The following RBPJ variants were observed in gnomAD, a reference collection of about 807,000 sequenced individuals.
RBPJ encodes recombining binding protein suppressor of hairless.
A neutral mutation model predicts 67.8 loss-of-function variants in RBPJ; 9 were observed. That is an observed-to-expected ratio of 0.13 (90% CI 0.08 to 0.23). The LOEUF (loss-of-function observed/expected upper bound fraction) is 0.23. RBPJ is among the 10% of genes least tolerant of loss of function. The pLI is 1.00. For missense variants in RBPJ, 305 were observed against 595.6 expected (o/e 0.51, Z 5.08); for synonymous variants, 198 against 203.3 (o/e 0.97, Z 0.22).
intron 1 of RBPJ, among the ~76,000 whole-genome samples, chr4:26,305,966 A>G (rs1722225168): frequency 6.6e-6 from 1 of 150,758 alleles, no homozygotes; most frequent in Non-Finnish European, 1.5e-5. Context: ...TAATATTTTT[A>G]GTACAGATGG....
At chr4:26,203,773 T>C (rs1390842531) in intron 1 of RBPJ, among the ~76,000 whole-genome samples, 1 of 152,226 alleles carries the variant, frequency 6.6e-6, no homozygotes, top group African/African-American at 2.4e-5. Flanking sequence ...CCACGGAGGT[T>C]GGCCTTTAAG....
chr4:26,430,592 C>A lies in RBPJ; in HGVS notation c.1148+70C>A. On this transcript the variant is annotated intron_variant, in intron 10 of 10. Coordinates refer to ENST00000355476, the MANE Select transcript of RBPJ (RefSeq NM_015874.6). This position sits in a 1 kb window ranked among gnomAD's most constrained non-coding sequence, Gnocchi z 4.1. ...GTGGGTACAGGAGATTCTTTCCTGG[C>A]ACTGATTGTAATGTATTAAACAACC... 1 of 1,513,490 alleles carries A rather than the reference C, an allele frequency of 6.6e-7. No individual in the cohort carries two copies. Among genetic ancestry groups the A allele is most frequent in the Non-Finnish European group, 9.0e-7 (1 of 1,106,842 alleles). The allele number at this position is 1,513,490 out of a possible 1,614,324, so 93.8% of individuals were successfully genotyped here. A position where few individuals can be genotyped will look rare whatever the true frequency, so the allele number is the denominator to read the frequency against.
At chr4:26,211,664 T>C (rs1046483318) in intron 1 of RBPJ, among the ~76,000 whole-genome samples, 3 of 152,196 alleles carry the variant, frequency 2.0e-5, no homozygotes, top group African/African-American at 7.2e-5. Flanking sequence ...ACAACATGTC[T>C]GCCCTCCAGA....
intron 1 of RBPJ, among the ~76,000 whole-genome samples, chr4:26,313,703 G>T (rs910815453): frequency 8.6e-5 from 13 of 151,792 alleles, no homozygotes; most frequent in African/African-American, 3.1e-4. Flanking sequence ...GGGCATGGTG[G>T]CATGTACCTG....
At chr4:26,265,901 G>T (rs1720689796) in intron 1 of RBPJ, among the ~76,000 whole-genome samples, 1 of 152,086 alleles carries the variant, frequency 6.6e-6, no homozygotes, top group Admixed American at 6.5e-5. Context: ...GCCGGGCCTG[G>T]TGGCACATGC....
At chr4:26,162,968 A>ATG (rs1323691668), upstream of RBPJ, among the ~76,000 whole-genome samples, 85 of 152,286 alleles carry the variant, frequency 5.6e-4, no homozygotes, top group Non-Finnish European at 2.9e-5. Flanking sequence ...AAGCTTGGAG[A>ATG]TGTGGCACTG....
At chr4:26,123,761 C>T in the RBPJ span, among the ~76,000 whole-genome samples, 125 of 152,182 alleles carry the variant, frequency 8.2e-4, no homozygotes, top group African/African-American at 2.9e-3. Context: ...CAAACACACA[C>T]ATTAGCCTGT....
At chr4:26,391,152 A>G (rs1350443847) in intron 2 of RBPJ, among the ~76,000 whole-genome samples, 1 of 152,244 alleles carries the variant, frequency 6.6e-6, no homozygotes, top group African/African-American at 2.4e-5. Flanking sequence ...GCTTTTTTGT[A>G]ACAGTTGACA....
At chr4:26,242,743 A>T (rs955175580) in intron 1 of RBPJ, among the ~76,000 whole-genome samples, 23 of 145,438 alleles carry the variant, frequency 1.6e-4, no homozygotes, top group African/African-American at 5.6e-4. Flanking sequence ...AGTTTATTTT[A>T]TTTAAGAGTC....
chr4:26,262,792 A>T (rs990814136), intron 1 of RBPJ, among the ~76,000 whole-genome samples: 1 of 152,164 alleles, frequency 6.6e-6, no homozygotes, highest in Non-Finnish European at 1.5e-5. Flanking sequence ...TATGGTCCTC[A>T]GACACCATAA....
At chr4:26,278,206 G>C (rs1425835553) in intron 1 of RBPJ, among the ~76,000 whole-genome samples, 1 of 152,106 alleles carries the variant, frequency 6.6e-6, no homozygotes, top group African/African-American at 2.4e-5. Context: ...TTCATCTAAA[G>C]ATAGGATGCT....
chr4:26,407,455 T>A (rs1210135199), intron 3 of RBPJ, among the ~76,000 whole-genome samples: 1 of 152,220 alleles, frequency 6.6e-6, no homozygotes, highest in Non-Finnish European at 1.5e-5. Flanking sequence ...TAAAAAATTA[T>A]TTATTGTGGT....
intron 1 of RBPJ, among the ~76,000 whole-genome samples, chr4:26,201,334 T>TG (rs1360270033): frequency 6.6e-6 from 1 of 152,140 alleles, no homozygotes; most frequent in Non-Finnish European, 1.5e-5. Flanking sequence ...CTTAACTGGG[T>TG]GACATAGCTG....
intron 1 of RBPJ, 92 bp from the exon 2 acceptor site, chr4:26,386,261 C>A: frequency 2.4e-6 from 2 of 838,724 alleles, no homozygotes; most frequent in South Asian, 1.6e-5. Context: ...AAGTATAAGT[C>A]ATAAAAGAGA....
intron 1 of RBPJ, among the ~76,000 whole-genome samples, chr4:26,277,165 T>G (rs966429197): frequency 4.0e-5 from 6 of 150,450 alleles, no homozygotes; most frequent in Admixed American, 6.6e-5. Flanking sequence ...TATGAAGACT[T>G]AGAAGGCTGA....
chr4:26,150,495 C>T, the RBPJ span, among the ~76,000 whole-genome samples: 1 of 152,220 alleles, frequency 6.6e-6, no homozygotes, highest in East Asian at 1.9e-4. Flanking sequence ...GTGTTGGGCG[C>T]TGCATAAAGC....
chr4:26,340,280 A>G (rs1003338797), intron 1 of RBPJ, among the ~76,000 whole-genome samples: 9 of 152,204 alleles, frequency 5.9e-5, no homozygotes, highest in Middle Eastern at 3.2e-3. Context: ...TCCTGTGGGT[A>G]TGTGGGAGAA....
At chr4:26,192,277 G>C (rs1385853957) in intron 1 of RBPJ, among the ~76,000 whole-genome samples, 2 of 152,152 alleles carry the variant, frequency 1.3e-5, no homozygotes, top group East Asian at 3.8e-4. Flanking sequence ...AAAGTGCTGG[G>C]ATTACAGGTG....
At chr4:26,212,748 C>T (rs1469754499) in intron 1 of RBPJ, among the ~76,000 whole-genome samples, 1 of 152,092 alleles carries the variant, frequency 6.6e-6, no homozygotes, top group Non-Finnish European at 1.5e-5. Flanking sequence ...AGAATCTAAA[C>T]AGACAGGCTT....
Sources: gnomAD v4.1 joint callset for allele counts (sites outside exome capture counted in the v4.1 genomes callset) on GRCh38, gnomAD v4.1.1 for gene constraint, Gnocchi (gnomAD v3.1) non-coding constraint, MANE v1.5 for transcripts, NCBI Gene and HGNC (gene_info 2026-07-23, HGNC 2026-07-21) for gene names.